NUCKS1: variants seen among roughly 807,000 people sequenced by gnomAD.
The protein encoded by NUCKS1 is nuclear casein kinase and cyclin dependent kinase substrate 1, also known as nuclear ubiquitous casein and cyclin-dependent kinase substrate 1.
In NUCKS1, 2 loss-of-function variants were observed where a neutral mutation model predicts 33.0. That is an observed-to-expected ratio of 0.06 (90% CI 0.02 to 0.19). NUCKS1 has a LOEUF of 0.19. NUCKS1 is among the 10% of genes least tolerant of loss of function. The pLI, the probability that NUCKS1 is intolerant of heterozygous loss-of-function variation, is 1.00. For synonymous variants in NUCKS1, 106 were observed against 102.8 expected, an observed-to-expected ratio of 1.03 and a Z score of -0.19; for missense variants, 201 against 293.6, an observed-to-expected ratio of 0.68 and a Z score of 2.31.
At chr1:205,736,908 G>T (rs563515066) in intron 1 of NUCKS1, among the ~76,000 whole-genome samples, 9 of 152,004 alleles carry the variant, frequency 5.9e-5, no homozygotes, top group African/African-American at 2.2e-4. Flanking sequence ...CCACTCACTG[G>T]TTCTATCTAG....
rs1489453565 is a variant in NUCKS1, at chr1:205,715,703, T to C, written c.*2577A>G. On this transcript the variant is annotated 3_prime_UTR_variant, in exon 7 of 7. Coordinates refer to ENST00000367142, the MANE Select transcript of NUCKS1 (RefSeq NM_022731.5). ...GCAGAGCTAATACAAACAAGCACCTTCAAAGTTAACGTCCCACTTCCTGAG... is the reference window on the plus strand; with the variant it reads ...GCAGAGCTAATACAAACAAGCACCTCCAAAGTTAACGTCCCACTTCCTGAG... 6.6e-6 allele frequency: 1 copy of C among 152,194 alleles called. No homozygotes were observed. The highest frequency in any genetic ancestry group is 6.5e-5 in the Admixed American group (1 of 15,274). 9.4% of individuals were successfully genotyped at this position (152,194 alleles called of 1,614,324 possible).
In NUCKS1 at chr1:205,718,111, G is replaced by C; in HGVS notation, c.*169C>G. 1 of 1,216,992 alleles carries C rather than the reference G, an allele frequency of 8.2e-7. No individual in the cohort carries two copies. Among genetic ancestry groups the C allele is most frequent in the Non-Finnish European group, 1.0e-6 (1 of 977,280 alleles). 75.4% of individuals were successfully genotyped at this position (1,216,992 alleles called of 1,614,324 possible). A position where few individuals can be genotyped will look rare whatever the true frequency, so the allele number is the denominator to read the frequency against. On this transcript the variant is annotated 3_prime_UTR_variant, in exon 7 of 7. Coordinates refer to ENST00000367142, the MANE Select transcript of NUCKS1 (RefSeq NM_022731.5). ...AAAAAAAAAAAAAAAAAAAGAGAGAGAGAGAGAAATGTTACTTTCAACAAA... is the reference window on the plus strand; with the variant it reads ...AAAAAAAAAAAAAAAAAAAGAGAGACAGAGAGAAATGTTACTTTCAACAAA...
At position 205,717,835 on chromosome 1, in the gene NUCKS1, C is replaced by A. The variant is rs903711864; in HGVS notation, c.*445G>T. 18 of 985,566 alleles carry A rather than the reference C, an allele frequency of 1.8e-5. No individual in the cohort carries two copies. Among genetic ancestry groups the A allele is most frequent in the Admixed American group, 6.1e-5 (1 of 16,264 alleles). 61.1% of individuals were successfully genotyped at this position (985,566 alleles called of 1,614,324 possible). ...TAGAGAAAGGAGCAATCATTTTGAACTAAAATCTTTCTATGTTTTTTGATT... is the reference window on the plus strand; with the variant it reads ...TAGAGAAAGGAGCAATCATTTTGAAATAAAATCTTTCTATGTTTTTTGATT... On this transcript the variant is annotated 3_prime_UTR_variant, in exon 7 of 7. Transcript: ENST00000367142.
rs60866378 is a variant in NUCKS1, at chr1:205,739,997, GTTT to G, written c.17+9957_17+9959del. The stretch of plus-strand genomic sequence containing the variant: ...TACATCATCCTGCTATTTACTTTAG[GTTT>G]TTTTTTTTTTTTTTTTTTGAGAGAC... On this transcript the variant is annotated intron_variant, in intron 1 of 6. Coordinates refer to ENST00000367142, the MANE Select transcript of NUCKS1 (RefSeq NM_022731.5). 3.5e-3 allele frequency among the ~76,000 whole-genome samples: 290 copies of G among 81,760 alleles called. 1 individual carries two copies. Among genetic ancestry groups the G allele is most frequent in the Non-Finnish European group, 5.4e-3 (248 of 45,734 alleles). 53.6% of individuals were successfully genotyped at this position (81,760 alleles called of 152,430 possible).
At chr1:205,738,539 C>T (rs1183545285) in intron 1 of NUCKS1, among the ~76,000 whole-genome samples, 2 of 151,412 alleles carry the variant, frequency 1.3e-5, no homozygotes, top group Non-Finnish European at 2.9e-5. Flanking sequence ...GCAGGAATCA[C>T]TACGACTGGC....
intron 1 of NUCKS1, among the ~76,000 whole-genome samples, chr1:205,734,564 C>T (rs1417795580): frequency 2.0e-5 from 3 of 152,158 alleles, no homozygotes; most frequent in African/African-American, 7.2e-5. Context: ...TCTGTGATAA[C>T]AAGGGCCATT....
chr1:205,729,678 A>T, intron 1 of NUCKS1, 57 bp from the exon 2 acceptor site: 1 of 1,213,386 alleles, frequency 8.2e-7, no homozygotes, highest in Admixed American at 1.8e-5. Context: ...TTTCTAAGAC[A>T]TCAGAACACA....
At chr1:205,722,272 T>C (rs1671932093) in intron 4 of NUCKS1, among the ~76,000 whole-genome samples, 1 of 152,084 alleles carries the variant, frequency 6.6e-6, no homozygotes. Context: ...TGTTTGTTTT[T>C]TGAGATGGAG....
At chr1:205,719,839 CCT>C (rs2102429940) in intron 5 of NUCKS1, 163 bp from the exon 6 acceptor site, 2 of 631,150 alleles carry the variant, frequency 3.2e-6, no homozygotes, top group East Asian at 5.9e-5. Context: ...TCATCACTGG[CCT>C]CATTTGTCAA....
Position 205,714,862 on chromosome 1 carries a change from C to T in NUCKS1, c.*3418G>A, listed in dbSNP as rs1335683851. Reference sequence around the variant, plus strand: ...AAGTTTTTTCCTTTCAGTGCAGCTACCAATGATGCAGGCAAAGAACTGTTC... The same window carrying T: ...AAGTTTTTTCCTTTCAGTGCAGCTATCAATGATGCAGGCAAAGAACTGTTC... On this transcript the variant is annotated 3_prime_UTR_variant, in exon 7 of 7. Transcript: ENST00000367142. 2.0e-5 allele frequency: 3 copies of T among 152,196 alleles called. No homozygotes were observed. The highest frequency in any genetic ancestry group is 6.5e-5 in the Admixed American group (1 of 15,274). The allele number at this position is 152,196 out of a possible 1,614,324, so 9.4% of individuals were successfully genotyped here. A position where few individuals can be genotyped will look rare whatever the true frequency, so the allele number is the denominator to read the frequency against.
chr1:205,741,255 G>A (rs1282456472), intron 1 of NUCKS1, among the ~76,000 whole-genome samples: 1 of 135,660 alleles, frequency 7.4e-6, no homozygotes, highest in Non-Finnish European at 1.5e-5. Context: ...AGCCGAGATC[G>A]CGCCACTGCA....
rs1280260929 is a variant in NUCKS1, at chr1:205,715,376, T to C, written c.*2904A>G. 6.6e-6 allele frequency: 1 copy of C among 152,172 alleles called. No homozygotes were observed. Among genetic ancestry groups the C allele is most frequent in the Non-Finnish European group, 1.5e-5 (1 of 68,028 alleles). The allele number at this position is 152,172 out of a possible 1,614,324, so 9.4% of individuals were successfully genotyped here. On this transcript the variant is annotated 3_prime_UTR_variant, in exon 7 of 7. Transcript: ENST00000367142. Reference sequence around the variant, plus strand: ...CCTCCCTAAAGGAGGAAACACCCATTAATTTTCCCTTATGGAATCAATATG... The same window carrying C: ...CCTCCCTAAAGGAGGAAACACCCATCAATTTTCCCTTATGGAATCAATATG...
At chr1:205,723,774 G>A (rs1486280949) in intron 4 of NUCKS1, 152 bp downstream of exon 4, 2 of 590,090 alleles carry the variant, frequency 3.4e-6, no homozygotes, top group African/African-American at 1.9e-5. Context: ...AAGCCACCAG[G>A]ACTGACAATC....
At chr1:205,724,046 TC>T in intron 3 of NUCKS1, 65 bp from the exon 4 acceptor site, 3 of 1,142,300 alleles carry the variant, frequency 2.6e-6, no homozygotes, top group South Asian at 1.2e-5. Context: ...TGAACATAGA[TC>T]TCTGATTTCT....
At chr1:205,736,406 T>C (rs1654036113) in intron 1 of NUCKS1, among the ~76,000 whole-genome samples, 1 of 152,172 alleles carries the variant, frequency 6.6e-6, no homozygotes, top group South Asian at 2.1e-4. Flanking sequence ...GAGTATTATA[T>C]GTAGTAGAGC....
At chr1:205,748,696 G>A (rs1022428622) in intron 1 of NUCKS1, among the ~76,000 whole-genome samples, 5 of 152,148 alleles carry the variant, frequency 3.3e-5, no homozygotes, top group African/African-American at 1.2e-4. Flanking sequence ...GAACGGTGTA[G>A]AACAAAACCC....
At position 205,717,241 on chromosome 1, in the gene NUCKS1, G is replaced by C. The variant is rs1044582393; in HGVS notation, c.*1039C>G. The C allele has an allele frequency of 1.1e-6, 1 of 871,154 alleles. No individual in the cohort carries two copies. The highest frequency in any genetic ancestry group is 6.2e-5 in the Admixed American group (1 of 16,126). 54.0% of individuals were successfully genotyped at this position (871,154 alleles called of 1,614,324 possible). On this transcript the variant is annotated 3_prime_UTR_variant, in exon 7 of 7. Transcript: ENST00000367142. ...CTGAATGCACATTTATAGCATAAAA[G>C]AATGTCAATTCTATTTCATAAAGGA...
At chr1:205,739,666 G>A (rs559978114) in intron 1 of NUCKS1, among the ~76,000 whole-genome samples, 1 of 152,156 alleles carries the variant, frequency 6.6e-6, no homozygotes, top group Admixed American at 6.5e-5. Flanking sequence ...ATATTGCCCA[G>A]GTTAGTCTCA....
chr1:205,746,145 A>G (rs886780052), intron 1 of NUCKS1, among the ~76,000 whole-genome samples: 2 of 149,932 alleles, frequency 1.3e-5, no homozygotes, highest in East Asian at 4.2e-4. Context: ...AAAATACAAA[A>G]GTTAGCTGGG....
Sources: gnomAD v4.1 joint callset for allele counts (sites outside exome capture counted in the v4.1 genomes callset) on GRCh38, gnomAD v4.1.1 for gene constraint, MANE v1.5 for transcripts, NCBI Gene and HGNC (gene_info 2026-07-23, HGNC 2026-07-21) for gene names.